Variants in ABI1 observed in about 807,000 individuals in gnomAD.
The protein encoded by ABI1 is abl interactor 1.
In ABI1, 14 loss-of-function variants were observed where a neutral mutation model predicts 54.6. The ratio of observed to expected loss-of-function variants is 0.26; its 90% confidence interval spans 0.17 to 0.40. ABI1 has a LOEUF of 0.40. Ranked by LOEUF, ABI1 falls within the 10% of genes least tolerant of loss-of-function variation. ABI1 has a pLI of 1.00. For synonymous variants in ABI1, 194 were observed against 209.3 expected, an observed-to-expected ratio of 0.93 and a Z score of 0.63; for missense variants, 443 against 598.3, an observed-to-expected ratio of 0.74 and a Z score of 2.71.
chr10:26,775,855 C>T (rs567515111), intron 3 of ABI1, among the ~76,000 whole-genome samples: 6 of 151,962 alleles, frequency 3.9e-5, no homozygotes, highest in Non-Finnish European at 4.4e-5. Flanking sequence ...CGAGTGTGTG[C>T]GTGTGCAAGT....
intron 1 of ABI1, among the ~76,000 whole-genome samples, chr10:26,851,455 A>G (rs1243593619): frequency 6.8e-6 from 1 of 146,598 alleles, no homozygotes; most frequent in Non-Finnish European, 1.5e-5. Flanking sequence ...CCTCCCAAGT[A>G]ACTGGGATTA....
chr10:26,848,154 G>A (rs1173620855), intron 1 of ABI1, among the ~76,000 whole-genome samples: 2 of 143,240 alleles, frequency 1.4e-5, no homozygotes, highest in South Asian at 2.2e-4. Flanking sequence ...AACAGTAATC[G>A]TGCCACTGCA....
At chr10:26,755,864 T>TGAAAC (rs1838239544) in intron 8 of ABI1, 123 bp from the exon 9 acceptor site, 5 of 608,658 alleles carry the variant, frequency 8.2e-6, no homozygotes, top group Non-Finnish European at 1.4e-5. Flanking sequence ...AGTTTGCAAA[T>TGAAAC]GAAACAAAAC....
At chr10:26,757,279 T>C (rs978985491) in intron 8 of ABI1, among the ~76,000 whole-genome samples, 1 of 152,162 alleles carries the variant, frequency 6.6e-6, no homozygotes, top group African/African-American at 2.4e-5. Context: ...AACATAATAA[T>C]TTATTTAAAA....
intron 2 of ABI1, among the ~76,000 whole-genome samples, chr10:26,783,386 T>G (rs958474716): frequency 2.0e-5 from 3 of 152,192 alleles, no homozygotes; most frequent in Admixed American, 6.5e-5. Flanking sequence ...TGCTCAACAT[T>G]GTAACTATAC....
chr10:26,823,505 C>T (rs868010257), intron 1 of ABI1, among the ~76,000 whole-genome samples, 200 bp from the exon 2 acceptor site: 2 of 152,122 alleles, frequency 1.3e-5, no homozygotes, highest in South Asian at 2.1e-4. Flanking sequence ...ACCACTCTCT[C>T]CTGAGTAGCT....
At chr10:26,825,584 C>T (rs2048261234) in intron 1 of ABI1, among the ~76,000 whole-genome samples, 1 of 152,144 alleles carries the variant, frequency 6.6e-6, no homozygotes, top group Non-Finnish European at 1.5e-5. Context: ...TCGCTTGAGC[C>T]CAGGAGCCAG....
At chr10:26,857,088 G>A (rs982535380) in intron 1 of ABI1, among the ~76,000 whole-genome samples, 1 of 152,096 alleles carries the variant, frequency 6.6e-6, no homozygotes, top group African/African-American at 2.4e-5. Flanking sequence ...GGGAGGCCGA[G>A]GAGGGCAGAT....
intron 2 of ABI1, among the ~76,000 whole-genome samples, chr10:26,778,551 T>C (rs750927898): frequency 1.3e-5 from 2 of 151,736 alleles, no homozygotes; most frequent in African/African-American, 4.8e-5. Context: ...ATGTTACGCT[T>C]GAATCAGATC....
At chr10:26,755,507 C>T (rs1008918798) in intron 9 of ABI1, 148 bp downstream of exon 9, 29 of 572,928 alleles carry the variant, frequency 5.1e-5, no homozygotes, top group South Asian at 7.6e-5. Flanking sequence ...AACTGAAGAC[C>T]GTGCTCTTCA....
intron 2 of ABI1, among the ~76,000 whole-genome samples, chr10:26,819,879 C>A (rs1200818787): frequency 1.3e-5 from 2 of 152,170 alleles, no homozygotes; most frequent in African/African-American, 4.8e-5. Context: ...CAACATGACA[C>A]AACAGATGAA....
intron 8 of ABI1, among the ~76,000 whole-genome samples, chr10:26,756,899 G>A (rs1026928363): frequency 6.6e-6 from 1 of 152,066 alleles, no homozygotes; most frequent in Admixed American, 6.5e-5. Context: ...GTTCAAAGAA[G>A]TAACAAAGCA....
intron 2 of ABI1, among the ~76,000 whole-genome samples, chr10:26,791,688 G>C (rs187650766): frequency 6.6e-6 from 1 of 151,850 alleles, no homozygotes; most frequent in Non-Finnish European, 1.5e-5. Context: ...ACAGAAGAGA[G>C]AATTCAGAAA....
intron 2 of ABI1, chr10:26,790,695 GGTAAAA>G (rs1372107499): frequency 6.6e-6 from 1 of 152,048 alleles, no homozygotes; most frequent in Non-Finnish European, 1.5e-5. Flanking sequence ...GCAATGGGCT[GGTAAAA>G]ATGACATAGT....
intron 1 of ABI1, among the ~76,000 whole-genome samples, chr10:26,843,913 A>T (rs1250845123): frequency 3.3e-5 from 5 of 152,180 alleles, no homozygotes; most frequent in Admixed American, 6.6e-5. Context: ...TCTTATATTT[A>T]ACCACTCATC....
intron 2 of ABI1, among the ~76,000 whole-genome samples, chr10:26,777,773 C>CA (rs1423250057): frequency 3.3e-5 from 5 of 150,966 alleles, no homozygotes; most frequent in South Asian, 2.1e-4. Flanking sequence ...GACCCTGTCT[C>CA]AAAAAAAAGA....
At chr10:26,842,773 G>A (rs1014109177) in intron 1 of ABI1, among the ~76,000 whole-genome samples, 2 of 152,206 alleles carry the variant, frequency 1.3e-5, no homozygotes, top group African/African-American at 2.4e-5. Context: ...GAGGCTAGGC[G>A]CAGTGGCTCA....
Position 26,860,227 on chromosome 10 carries a change from A to G in ABI1, c.117+520T>C, listed in dbSNP as rs1377349481. ...GGCTGAAACTGACATAATCGCCCCCACCCCACCCTCCGCCGACACACAACA... is the reference window on the plus strand; with the variant it reads ...GGCTGAAACTGACATAATCGCCCCCGCCCCACCCTCCGCCGACACACAACA... On this transcript the variant is annotated intron_variant, in intron 1 of 10. Coordinates refer to ENST00000376140, the MANE Select transcript of ABI1 (RefSeq NM_001012750.3). This position sits in a 1 kb window ranked among gnomAD's most constrained non-coding sequence, Gnocchi z 4.1. Among the ~76,000 whole-genome samples the G allele has an allele frequency of 6.6e-6, 1 of 151,554 alleles. No homozygotes were observed. Among genetic ancestry groups the G allele is most frequent in the African/African-American group, 2.4e-5 (1 of 41,198 alleles).
chr10:26,772,800 G>A (rs964977737), intron 3 of ABI1, among the ~76,000 whole-genome samples: 5 of 151,986 alleles, frequency 3.3e-5, no homozygotes, highest in East Asian at 3.9e-4. Context: ...GGCTAGGCAC[G>A]GTGGCTCACA....
Sources: allele counts gnomAD v4.1 joint callset (sites outside exome capture counted in the v4.1 genomes callset), GRCh38; gene constraint gnomAD v4.1.1; non-coding constraint Gnocchi (gnomAD v3.1); transcripts MANE v1.5; gene names NCBI Gene and HGNC (gene_info 2026-07-23, HGNC 2026-07-21).